The following CCDC126 variants were observed in gnomAD, a reference collection of about 807,000 sequenced individuals.
The protein encoded by CCDC126 is coiled-coil domain-containing protein 126.
Under a neutral mutation model 11.7 loss-of-function variants are expected in CCDC126, and 5 were observed. The ratio of observed to expected loss-of-function variants is 0.43; its 90% CI spans 0.22 to 0.90. CCDC126 has a LOEUF of 0.90. CCDC126 is among the 40% of genes least tolerant of loss of function. CCDC126 has a pLI of 0.27. For synonymous variants in CCDC126, 60 were observed against 61.9 expected (o/e 0.97, Z 0.14); for missense variants, 150 against 163.1 (o/e 0.92, Z 0.44).
At chr7:23,608,488 A>T (rs1782655908) in intron 2 of CCDC126, among the ~76,000 whole-genome samples, 1 of 151,878 alleles carries the variant, frequency 6.6e-6, no homozygotes, top group Admixed American at 6.6e-5. Context: ...TTAATTTTTA[A>T]TTTTTTTTAG....
At chr7:23,628,585 A>G (rs537325816) in intron 3 of CCDC126, among the ~76,000 whole-genome samples, 2 of 152,360 alleles carry the variant, frequency 1.3e-5, no homozygotes, top group East Asian at 3.9e-4. Flanking sequence ...AGTGAGGCAT[A>G]CAACATTCCT....
chr7:23,621,646 C>G (rs2128018221), intron 3 of CCDC126, among the ~76,000 whole-genome samples: 1 of 152,284 alleles, frequency 6.6e-6, no homozygotes, highest in South Asian at 2.1e-4. Context: ...GAGGTCATCC[C>G]TGTCTTGTGC....
At position 23,621,993 on chromosome 7, in the gene CCDC126, C is replaced by T. The variant is rs542159189; in HGVS notation, c.238+10440C>T. Among the ~76,000 whole-genome samples the T allele has an allele frequency of 1.7e-4, 26 of 152,258 alleles. 2 individuals are homozygous for T. Among genetic ancestry groups the T allele is most frequent in the African/African-American group, 4.3e-4 (18 of 41,544 alleles). On this transcript the variant is annotated intron_variant, in intron 3 of 3. Transcript: ENST00000307471. ...CTGGATTCGGTTTGCCAGTGTTTTA[C>T]TGAGGATTTTTGCATTGTTGTTCAT...
chr7:23,601,421 A>G (rs80235553), intron 2 of CCDC126, among the ~76,000 whole-genome samples: 1,673 of 152,314 alleles, frequency 0.011, 35 homozygotes, highest in African/African-American at 0.039. Context: ...ATATGTCTGT[A>G]TATGTAAAAA....
intron 3 of CCDC126, among the ~76,000 whole-genome samples, chr7:23,623,669 T>C (rs112200098): frequency 4.9e-4 from 75 of 152,220 alleles, no homozygotes; most frequent in African/African-American, 1.6e-3. Flanking sequence ...TTTTATACTT[T>C]ATTGAGTTCT....
At chr7:23,609,532 G>C (rs1782671854) in intron 2 of CCDC126, among the ~76,000 whole-genome samples, 1 of 152,146 alleles carries the variant, frequency 6.6e-6, no homozygotes, top group Non-Finnish European at 1.5e-5. Flanking sequence ...CCAGACAGGA[G>C]GGGGGTTTTG....
In CCDC126 at chr7:23,615,049, A is replaced by G. The variant is rs1021017522; in HGVS notation, c.238+3496A>G. On this transcript the variant is annotated intron_variant, in intron 3 of 3. Coordinates refer to ENST00000307471, the MANE Select transcript of CCDC126 (RefSeq NM_138771.4). ...GTCATTTGAAGCTTTGAAGTCAGGCATTGACTTCTCACTAGCTATGAAAAT... is the reference window on the plus strand; with the variant it reads ...GTCATTTGAAGCTTTGAAGTCAGGCGTTGACTTCTCACTAGCTATGAAAAT... Among the ~76,000 whole-genome samples the G allele has an allele frequency of 3.3e-5, 5 of 152,340 alleles. No homozygotes were observed. In the South Asian group the frequency reaches 6.2e-4, roughly 19 times the overall value.
chr7:23,632,527 C>T (rs1307066546), intron 3 of CCDC126, among the ~76,000 whole-genome samples: 1 of 152,168 alleles, frequency 6.6e-6, no homozygotes, highest in Non-Finnish European at 1.5e-5. Context: ...ACATAGGGAT[C>T]CTAGTGGTGA....
chr7:23,610,203 T>C lies in CCDC126; in HGVS notation c.-145-968T>C, dbSNP rs562873576. Among the ~76,000 whole-genome samples the C allele has an allele frequency of 1.0e-3, 156 of 152,260 alleles. 1 individual carries two copies. Among genetic ancestry groups the C allele is most frequent in the Admixed American group, 9.5e-3 (145 of 15,296 alleles). ...GGAAATATAGAAAAATGTTCCAACCTGTTTGTTTGTTTATTTATTTGTTTT... is the reference window on the plus strand; with the variant it reads ...GGAAATATAGAAAAATGTTCCAACCCGTTTGTTTGTTTATTTATTTGTTTT... On this transcript the variant is annotated intron_variant, in intron 2 of 3. Transcript: ENST00000307471.
chr7:23,625,820 T>C (rs987460035), intron 3 of CCDC126, among the ~76,000 whole-genome samples: 6 of 151,750 alleles, frequency 4.0e-5, no homozygotes, highest in Non-Finnish European at 7.4e-5. Flanking sequence ...CACGCCCAGC[T>C]AATTTTTTTT....
intron 3 of CCDC126, among the ~76,000 whole-genome samples, chr7:23,623,184 T>C (rs1001859922): frequency 9.9e-5 from 15 of 151,702 alleles, no homozygotes; most frequent in African/African-American, 3.6e-4. Flanking sequence ...ACAAAAACTT[T>C]TGTATTTTTA....
chr7:23,613,656 A>G (rs996535042), intron 3 of CCDC126, among the ~76,000 whole-genome samples: 1 of 152,084 alleles, frequency 6.6e-6, no homozygotes, highest in Admixed American at 6.6e-5. Context: ...TTTTCCCTTC[A>G]TAATTTTGTT....
chr7:23,628,041 A>G (rs1274162625), intron 3 of CCDC126, among the ~76,000 whole-genome samples: 1 of 152,192 alleles, frequency 6.6e-6, no homozygotes, highest in Non-Finnish European at 1.5e-5. Flanking sequence ...TATATAAATT[A>G]TTGTATAAGT....
intron 3 of CCDC126, among the ~76,000 whole-genome samples, chr7:23,629,004 A>G (rs1223907358): frequency 1.3e-5 from 2 of 152,202 alleles, no homozygotes; most frequent in Admixed American, 1.3e-4. Flanking sequence ...GTGGTGTTAG[A>G]GAAAACCACC....
At chr7:23,635,817 CCTT>C (rs1335109621) in intron 3 of CCDC126, among the ~76,000 whole-genome samples, 3 of 152,090 alleles carry the variant, frequency 2.0e-5, no homozygotes, top group African/African-American at 7.2e-5. Flanking sequence ...TAATGTCAAA[CCTT>C]CTAGGCTTTT....
chr7:23,619,058 A>G (rs1427470493), intron 3 of CCDC126, among the ~76,000 whole-genome samples: 1 of 152,158 alleles, frequency 6.6e-6, no homozygotes, highest in Admixed American at 6.5e-5. Flanking sequence ...CTCAGCACTC[A>G]CTACCTTCAT....
At chr7:23,628,348 C>G (rs1783049023) in intron 3 of CCDC126, among the ~76,000 whole-genome samples, 2 of 152,146 alleles carry the variant, frequency 1.3e-5, no homozygotes, top group Admixed American at 1.3e-4. Context: ...AGAGTTGGAG[C>G]TGAAGAAGTC....
At position 23,628,044 on chromosome 7, in the gene CCDC126, G is replaced by T. The variant is rs112285791; in HGVS notation, c.239-14887G>T. On this transcript the variant is annotated intron_variant, in intron 3 of 3. Coordinates refer to ENST00000307471, the MANE Select transcript of CCDC126 (RefSeq NM_138771.4). The stretch of plus-strand genomic sequence containing the variant: ...TCATTTTAAAAATATATAAATTATT[G>T]TATAAGTAATGAATGGAAAACAGTG... Among the ~76,000 whole-genome samples the T allele has an allele frequency of 1.8e-4, 27 of 152,164 alleles. 2 individuals are homozygous for T. The highest frequency in any genetic ancestry group is 4.6e-4 in the African/African-American group (19 of 41,530).
rs76069321 is a variant in CCDC126, at chr7:23,643,492, A to T, written c.*377A>T. 2.7e-3 allele frequency: 434 copies of T among 163,184 alleles called. 1 individual carries two copies. The highest frequency in any genetic ancestry group is 3.5e-3 in the Non-Finnish European group (264 of 75,380). 10.1% of individuals were successfully genotyped at this position (163,184 alleles called of 1,614,324 possible). ...TAAGTATATAACACGTTTTTTGGAC[A>T]AGTGAAGAATGTTTAATCATTCTGT... is the stretch of plus-strand genomic sequence containing the variant. On this transcript the variant is annotated 3_prime_UTR_variant, in exon 4 of 4. Coordinates refer to ENST00000307471, the MANE Select transcript of CCDC126 (RefSeq NM_138771.4).
Sources: allele counts gnomAD v4.1 joint callset (sites outside exome capture counted in the v4.1 genomes callset), GRCh38; gene constraint gnomAD v4.1.1; transcripts MANE v1.5; gene names NCBI Gene and HGNC (gene_info 2026-07-23, HGNC 2026-07-21).